The following PRSS23 variants were observed in gnomAD, a reference collection of about 807,000 sequenced individuals.
PRSS23 encodes the protein serine protease 23, also known as protease, serine 23.
Under a neutral mutation model 34.7 loss-of-function variants are expected in PRSS23, and 25 were observed. The ratio of observed to expected loss-of-function variants is 0.72; its 90% CI spans 0.53 to 1.01. PRSS23 has a LOEUF of 1.01. PRSS23 is among the 50% of genes least tolerant of loss of function. PRSS23 has a pLI of 0.00. For missense variants in PRSS23, 445 were observed against 475.6 expected (o/e 0.94, Z 0.60); for synonymous variants, 176 against 186.6 (o/e 0.94, Z 0.46).
At chr11:86,864,721 G>C (rs932816612) in intron 2 of PRSS23, among the ~76,000 whole-genome samples, 1 of 152,212 alleles carries the variant, frequency 6.6e-6, no homozygotes, top group Admixed American at 6.5e-5. Flanking sequence ...TGGTTCTTAT[G>C]AACTATGATC....
chr11:86,849,855 A>C (rs1948515917), intron 2 of PRSS23, among the ~76,000 whole-genome samples: 1 of 152,116 alleles, frequency 6.6e-6, no homozygotes, highest in African/African-American at 2.4e-5. Context: ...GTCACCCTAC[A>C]AAGCCAGCTT....
chr11:86,939,426 A>ATATATATATATATATATTTTTTT lies in PRSS23; in HGVS notation c.207-11789_207-11788insATATATATATATATATTTTTTTT. 1.1e-4 allele frequency among the ~76,000 whole-genome samples: 10 copies of ATATATATATATATATATTTTTTT among 94,068 alleles called. No individual in the cohort carries two copies. In the East Asian group the frequency reaches 1.2e-3, roughly 11 times the overall value. The allele number at this position is 94,068 out of a possible 152,430, so 61.7% of individuals were successfully genotyped here. On this transcript the variant is annotated intron_variant, in intron 2 of 2. Transcript: ENST00000533902. ...AAAATATATATATATATATATATAT[A>ATATATATATATATATATTTTTTT]TTTTTTAACATGAGTAAAAATTGCA...
At chr11:86,952,557 T>C in exon 3 of PRSS23, 1 of 1,447,628 alleles carries the variant, frequency 6.9e-7, no homozygotes, top group Non-Finnish European at 9.6e-7. Context: ...AGTTGAATGC[T>C]TCCAGGCAAT....
At chr11:86,832,291 AG>A (rs1650218136) in intron 2 of PRSS23, among the ~76,000 whole-genome samples, 1 of 152,100 alleles carries the variant, frequency 6.6e-6, no homozygotes, top group African/African-American at 2.4e-5. Context: ...AATATCACAG[AG>A]GGTGTACACC....
intron 2 of PRSS23, among the ~76,000 whole-genome samples, chr11:86,851,650 C>T (rs116972235): frequency 4.5e-4 from 69 of 152,266 alleles, no homozygotes; most frequent in Non-Finnish European, 8.8e-4. Flanking sequence ...CTTTTCTAGT[C>T]TGTTAAATGA....
At chr11:86,922,351 T>C (rs895276457) in intron 2 of PRSS23, among the ~76,000 whole-genome samples, 1 of 151,982 alleles carries the variant, frequency 6.6e-6, no homozygotes. Flanking sequence ...ATGGGCAAAA[T>C]GTGACCAGGT....
intron 2 of PRSS23, among the ~76,000 whole-genome samples, chr11:86,928,707 TTG>T: frequency 1.5e-5 from 1 of 65,898 alleles, no homozygotes; most frequent in African/African-American, 5.5e-5. Context: ...AAAAAAAAAA[TTG>T]GCAAGACATA....
intron 1 of PRSS23, among the ~76,000 whole-genome samples, chr11:86,802,868 C>T (rs1288459481): frequency 6.6e-6 from 1 of 152,156 alleles, no homozygotes; most frequent in Non-Finnish European, 1.5e-5. Context: ...GTTAATTATG[C>T]AAAGTCCCAC....
Position 86,821,567 on chromosome 11 carries a change from T to A in PRSS23, c.-11-1810T>A, listed in dbSNP as rs561497736. 211 of 1,610,674 alleles carry A rather than the reference T, an allele frequency of 1.3e-4. 1 individual carries two copies. Among genetic ancestry groups the A allele is most frequent in the Non-Finnish European group, 1.7e-4 (199 of 1,178,904 alleles). On this transcript the variant is annotated intron_variant, in intron 1 of 2. Transcript: ENST00000533902. ...ATCTGGATGGCATTCACTCTGAAGT[T>A]TGACAACAAGTCCGTTTAGCTCAAG... is the stretch of plus-strand genomic sequence containing the variant.
chr11:86,902,392 C>A (rs11234869), intron 2 of PRSS23, among the ~76,000 whole-genome samples: 4 of 152,138 alleles, frequency 2.6e-5, no homozygotes, highest in African/African-American at 4.8e-5. Context: ...TTCTTAAGAC[C>A]TGTTATTCAG....
intron 2 of PRSS23, chr11:86,947,883 A>G (rs971940847): frequency 6.6e-6 from 1 of 152,242 alleles, no homozygotes; most frequent in Non-Finnish European, 1.5e-5. Context: ...GGAAGCTACA[A>G]TCATACCCAT....
chr11:86,891,903 A>G (rs572205615), intron 2 of PRSS23, among the ~76,000 whole-genome samples: 18 of 152,282 alleles, frequency 1.2e-4, no homozygotes, highest in African/African-American at 3.6e-4. Flanking sequence ...ACCTTCCACC[A>G]TGACTGGAAG....
intron 2 of PRSS23, among the ~76,000 whole-genome samples, chr11:86,879,323 G>A (rs1326462320): frequency 1.3e-5 from 2 of 149,514 alleles, no homozygotes; most frequent in Non-Finnish European, 3.0e-5. Flanking sequence ...CCCCGTCTGA[G>A]AAGTGAGGAG....
At chr11:86,941,704 A>G (rs1282038593) in intron 2 of PRSS23, among the ~76,000 whole-genome samples, 1 of 152,174 alleles carries the variant, frequency 6.6e-6, no homozygotes, top group East Asian at 1.9e-4. Context: ...AAAAGAGACA[A>G]CTTACAATAG....
At chr11:86,815,233 A>AT (rs1948206970), downstream of PRSS23, among the ~76,000 whole-genome samples, 1 of 152,200 alleles carries the variant, frequency 6.6e-6, no homozygotes, top group African/African-American at 2.4e-5. Flanking sequence ...CTGAAATTCA[A>AT]TGCCCCTCAG....
intron 1 of PRSS23, among the ~76,000 whole-genome samples, chr11:86,794,787 T>C (rs988875734): frequency 9.2e-5 from 14 of 152,026 alleles, no homozygotes. Context: ...TTACAGGAAT[T>C]TTACTATGGG....
intron 2 of PRSS23, among the ~76,000 whole-genome samples, chr11:86,929,909 G>A (rs1188715948): frequency 6.6e-6 from 1 of 152,126 alleles, no homozygotes; most frequent in Non-Finnish European, 1.5e-5. Flanking sequence ...ACATAAAAGT[G>A]AGTGGAAAAA....
intron 2 of PRSS23, among the ~76,000 whole-genome samples, chr11:86,880,402 G>A (rs1948764905): frequency 6.6e-6 from 1 of 150,944 alleles, no homozygotes; most frequent in Non-Finnish European, 1.5e-5. Context: ...CTATGACCCT[G>A]CCAAATCCCC....
rs1948841275 is a variant in PRSS23, at chr11:86,891,579, AT to A, written c.207-59632del. Among the ~76,000 whole-genome samples, 3 of 152,088 alleles carry A rather than the reference AT, an allele frequency of 2.0e-5. No homozygotes were observed. In the East Asian group the frequency reaches 5.8e-4, roughly 29 times the overall value. The stretch of plus-strand genomic sequence containing the variant: ...AAAGAGGAAATCTTTTGGGTGTTAG[AT>A]TTTTGTTTCTCCTTTTCTTTTTGTG... On this transcript the variant is annotated intron_variant, in intron 2 of 2. Transcript: ENST00000533902.
Sources: gnomAD v4.1 joint callset for allele counts (sites outside exome capture counted in the v4.1 genomes callset) on GRCh38, gnomAD v4.1.1 for gene constraint, MANE v1.5 for transcripts, NCBI Gene and HGNC (gene_info 2026-07-23, HGNC 2026-07-21) for gene names.